Variants in ADCY4 observed in about 807,000 individuals in gnomAD.
The protein encoded by ADCY4 is adenylate cyclase 4, also known as adenylate cyclase type 4.
In ADCY4, 111 loss-of-function variants were observed where a neutral mutation model predicts 125.5. That is an observed-to-expected ratio of 0.88 (90% confidence interval 0.76 to 1.04). The LOEUF (loss-of-function observed/expected upper bound fraction) is 1.04, where lower values mean the gene tolerates loss of function less well. ADCY4 is among the 50% of genes least tolerant of loss of function. The pLI is 0.00. For missense variants in ADCY4, 1,256 were observed against 1,382.9 expected (o/e 0.91, Z 1.46); for synonymous variants, 576 against 586.9 (o/e 0.98, Z 0.27).
chr14:24,319,534 C>T lies in ADCY4; in HGVS notation c.2734-98G>A. 1 of 1,358,768 alleles carries T rather than the reference C, an allele frequency of 7.4e-7. No homozygotes were observed. Among genetic ancestry groups the T allele is most frequent in the Non-Finnish European group, 1.0e-6 (1 of 964,954 alleles). The allele number at this position is 1,358,768 out of a possible 1,614,324, so 84.2% of individuals were successfully genotyped here. The stretch of plus-strand genomic sequence containing the variant: ...AAGCCTTTGGAGTTAAAGGATCAGG[C>T]TGTGGGAGTGGAGATAGTGTCAGGA... On this transcript the variant is annotated intron_variant, in intron 21 of 24. Coordinates refer to ENST00000418030, the MANE Select transcript of ADCY4 (RefSeq NM_001198568.2). This position sits in a 1 kb window ranked among gnomAD's most constrained non-coding sequence, Gnocchi z 4.5.
In ADCY4 at chr14:24,322,696, C is replaced by T. The variant is rs572642095; in HGVS notation, c.2355G>A (p.Leu785=). The change falls in exon 19 of 25, where the codon CTG becomes CTA. Residue 785 remains leucine, a synonymous_variant. Coordinates refer to ENST00000418030, the MANE Select transcript of ADCY4 (RefSeq NM_001198568.2). ...LGPLDSRPGV[L]KEPKLMGAIS... Reference sequence around the variant, plus strand: ...TAGCACCCATCAGTTTGGGCTCCTTCAGCACTCCGGGCCTGAAGGGGCCAT... The same window carrying T: ...TAGCACCCATCAGTTTGGGCTCCTTTAGCACTCCGGGCCTGAAGGGGCCAT... The T allele has an allele frequency of 8.7e-6, 14 of 1,614,090 alleles. No individual in the cohort carries two copies. The African/African-American group carries it at 1.6e-4, about 18-fold the overall frequency.
chr14:24,324,674 G>A (rs1413096511), intron 14 of ADCY4, among the ~76,000 whole-genome samples: 1 of 152,162 alleles, frequency 6.6e-6, no homozygotes, highest in African/African-American at 2.4e-5. Context: ...TGGGCCTTTA[G>A]CCCAAAGCTC....
At chr14:24,323,659 C>G in intron 16 of ADCY4, 1 of 1,406,968 alleles carries the variant, frequency 7.1e-7, no homozygotes, top group Non-Finnish European at 9.2e-7. Flanking sequence ...GAGTACTCCT[C>G]TGACTCTGAG....
intron 4 of ADCY4, 38 bp downstream of exon 4, chr14:24,331,750 C>T (rs774954613): frequency 6.6e-7 from 1 of 1,517,292 alleles, no homozygotes; most frequent in African/African-American, 1.4e-5. Flanking sequence ...CAACTCCTCC[C>T]TCGGAGCGCT....
chr14:24,321,866 C>A, intron 20 of ADCY4, 200 bp downstream of exon 20: 1 of 1,326,718 alleles, frequency 7.5e-7, no homozygotes, highest in South Asian at 2.3e-5. Flanking sequence ...ACATGCCTTC[C>A]AAGTAAGAAT....
intron 1 of ADCY4, among the ~76,000 whole-genome samples, chr14:24,333,427 G>T (rs1158315404): frequency 1.3e-5 from 2 of 151,078 alleles, no homozygotes; most frequent in Admixed American, 6.6e-5. Flanking sequence ...ACAGGGTCTC[G>T]CCAAGTTGCC....
chr14:24,323,912 G>A, intron 16 of ADCY4, 150 bp downstream of exon 16: 1 of 1,149,528 alleles, frequency 8.7e-7, no homozygotes, highest in Non-Finnish European at 1.2e-6. Flanking sequence ...GATTGCTGGA[G>A]ACTGTAATTT....
intron 1 of ADCY4, among the ~76,000 whole-genome samples, chr14:24,333,604 G>T (rs2042085137): frequency 6.6e-6 from 1 of 152,208 alleles, no homozygotes; most frequent in Non-Finnish European, 1.5e-5. Flanking sequence ...TTGTTTCTGA[G>T]CCTCAGTTTT....
intron 1 of ADCY4, 50 bp from the exon 2 acceptor site, chr14:24,333,038 A>T: frequency 6.8e-7 from 1 of 1,481,430 alleles, no homozygotes; most frequent in Non-Finnish European, 9.0e-7. Context: ...GAAGGAACGA[A>T]CCTGATAAAG....
At chr14:24,320,029 G>T in intron 20 of ADCY4, 141 bp from the exon 21 acceptor site, 1 of 981,644 alleles carries the variant, frequency 1.0e-6, no homozygotes, top group Non-Finnish European at 1.5e-6. Context: ...GAGGAGTAGG[G>T]CCAGGCTACC....
chr14:24,325,448 G>A lies in ADCY4; in HGVS notation c.1752C>T (p.Phe584=), dbSNP rs2041926811. 6.2e-7 allele frequency: 1 copy of A among 1,613,848 alleles called. No individual in the cohort carries two copies. Among genetic ancestry groups the A allele is most frequent in the African/African-American group, 1.3e-5 (1 of 74,834 alleles). ...KEYRLSAIPA[F]KYYEACTFLV... ...GGAAGGTGCAGGCTTCATAGTATTTGAAGGCGGGGATTGCAGAGAGTCGGT... is the reference window on the plus strand; with the variant it reads ...GGAAGGTGCAGGCTTCATAGTATTTAAAGGCGGGGATTGCAGAGAGTCGGT... Residue 584 remains phenylalanine, a synonymous_variant, in exon 14 of 25, where the codon TTC becomes TTT. Coordinates refer to ENST00000418030, the MANE Select transcript of ADCY4 (RefSeq NM_001198568.2).
chr14:24,323,915 T>G (rs2041897788), intron 16 of ADCY4, 147 bp downstream of exon 16: 2 of 1,178,132 alleles, frequency 1.7e-6, no homozygotes, highest in Non-Finnish European at 2.3e-6. Flanking sequence ...TGCTGGAGAC[T>G]GTAATTTTTT....
chr14:24,330,035 T>G lies in ADCY4; in HGVS notation c.1059-17A>C. ...CGCAGTTTCCTGAGCAGTGTGTGTG[T>G]GGGACAATCTGAGTCCTACCCTCAG... On this transcript the variant is annotated splice_polypyrimidine_tract_variant and intron_variant, in intron 7 of 24. Transcript: ENST00000418030. The G allele has an allele frequency of 6.2e-7, 1 of 1,608,524 alleles. No homozygotes were observed. Among genetic ancestry groups the G allele is most frequent in the Non-Finnish European group, 8.5e-7 (1 of 1,175,724 alleles).
At chr14:24,322,861 CA>C (rs1175941488) in intron 18 of ADCY4, 42 bp downstream of exon 18, 1 of 1,555,386 alleles carries the variant, frequency 6.4e-7, no homozygotes, top group Non-Finnish European at 8.7e-7. Context: ...CATCTCACCC[CA>C]TCCCAGGGGG....
Position 24,329,552 on chromosome 14 carries a change from T to C in ADCY4, c.1218-19A>G. The C allele has an allele frequency of 6.6e-7, 1 of 1,511,888 alleles. No homozygotes were observed. Among genetic ancestry groups the C allele is most frequent in the Non-Finnish European group, 8.8e-7 (1 of 1,131,428 alleles). 93.7% of individuals were successfully genotyped at this position (1,511,888 alleles called of 1,614,324 possible). ...CACTCGCCTGGAAGGAGGGAGGCAG[T>C]AGGGGTCAGCAGGGAGGGCCTTCAA... On this transcript the variant is annotated intron_variant, in intron 8 of 24. Coordinates refer to ENST00000418030, the MANE Select transcript of ADCY4 (RefSeq NM_001198568.2).
At chr14:24,325,997 C>T (rs1438533504) in intron 12 of ADCY4, 82 bp downstream of exon 12, 20 of 1,579,108 alleles carry the variant, frequency 1.3e-5, no homozygotes, top group East Asian at 2.2e-5. Flanking sequence ...GTCTTCCCTC[C>T]AGCCCCTCAG....
intron 12 of ADCY4, 28 bp downstream of exon 12, chr14:24,326,050 GC>G (rs1037900376): frequency 4.5e-6 from 7 of 1,563,592 alleles, no homozygotes; most frequent in African/African-American, 2.7e-5. Flanking sequence ...AGGGCCTGCG[GC>G]CCCCCCAGCC....
chr14:24,319,946 G>A lies in ADCY4; in HGVS notation c.2587-58C>T. The A allele has an allele frequency of 1.3e-6, 2 of 1,583,446 alleles. No individual in the cohort carries two copies. Among genetic ancestry groups the A allele is most frequent in the South Asian group, 2.2e-5 (2 of 88,970 alleles). On this transcript the variant is annotated intron_variant, in intron 20 of 24. Transcript: ENST00000418030. The surrounding 1 kb of genome is among the most constrained non-coding windows in gnomAD (Gnocchi z 4.5). Reference sequence around the variant, plus strand: ...GTGTCATGTTCCTCTCCCTTCTAGAGGTCTGCGTGGGGCCCTCCTCCCCAT... The same window carrying A: ...GTGTCATGTTCCTCTCCCTTCTAGAAGTCTGCGTGGGGCCCTCCTCCCCAT...
chr14:24,325,705 C>T, intron 13 of ADCY4, 113 bp downstream of exon 13: 1 of 1,283,584 alleles, frequency 7.8e-7, no homozygotes, highest in East Asian at 2.5e-5. Flanking sequence ...GCTCCTCACC[C>T]CTAGGATCAC....
Sources: allele counts gnomAD v4.1 joint callset (sites outside exome capture counted in the v4.1 genomes callset), GRCh38; gene constraint gnomAD v4.1.1; non-coding constraint Gnocchi (gnomAD v3.1); transcripts MANE v1.5; gene names NCBI Gene and HGNC (gene_info 2026-07-23, HGNC 2026-07-21).